Variants in LEPR observed in about 807,000 individuals in gnomAD.
The protein encoded by LEPR is OB receptor.
LEPR carries 56 observed loss-of-function variants against 114.7 expected under a neutral mutation model. The ratio of observed to expected loss-of-function variants is 0.49; its 90% CI spans 0.39 to 0.61. LEPR has a LOEUF of 0.61. Ranked by LOEUF, LEPR falls within the 20% of genes least tolerant of loss-of-function variation. The pLI is 0.00. For missense variants in LEPR, 1,202 were observed against 1,352.9 expected (o/e 0.89, Z 1.75); for synonymous variants, 443 against 461.4 (o/e 0.96, Z 0.51).
intron 2 of LEPR, among the ~76,000 whole-genome samples, chr1:65,535,753 C>T (rs190050925): frequency 4.4e-4 from 67 of 152,252 alleles, no homozygotes; most frequent in Admixed American, 9.8e-4. Flanking sequence ...TAATAGGATT[C>T]TAAACTTGCA....
intron 2 of LEPR, among the ~76,000 whole-genome samples, chr1:65,495,928 T>A (rs1370657062): frequency 6.6e-6 from 1 of 152,092 alleles, no homozygotes; most frequent in African/African-American, 2.4e-5. Context: ...TAGGGAGACA[T>A]TGGTTAACAA....
chr1:65,619,479 C>T (rs1657740990), intron 16 of LEPR, among the ~76,000 whole-genome samples: 1 of 152,018 alleles, frequency 6.6e-6, no homozygotes. Flanking sequence ...TAGGATTTCA[C>T]AAGACTTTAG....
intron 2 of LEPR, among the ~76,000 whole-genome samples, chr1:65,518,917 C>CTT (rs752472210): frequency 0.075 from 5,627 of 75,370 alleles, 141 homozygotes; most frequent in Non-Finnish European, 0.13. Context: ...TTCTTTCTTT[C>CTT]TCTCTTTCTC....
intron 6 of LEPR, among the ~76,000 whole-genome samples, chr1:65,595,709 A>G: frequency 6.6e-6 from 1 of 152,258 alleles, no homozygotes; most frequent in Non-Finnish European, 1.5e-5. Context: ...ATATATATGA[A>G]TAATTCCTGT....
intron 2 of LEPR, among the ~76,000 whole-genome samples, chr1:65,427,600 G>A (rs1389082900): frequency 2.0e-5 from 3 of 152,086 alleles, no homozygotes; most frequent in African/African-American, 7.2e-5. Flanking sequence ...GGCAGACATG[G>A]AAATGGAGCT....
At chr1:65,550,434 G>A (rs1158506316) in intron 2 of LEPR, among the ~76,000 whole-genome samples, 1 of 152,232 alleles carries the variant, frequency 6.6e-6, no homozygotes, top group Non-Finnish European at 1.5e-5. Context: ...GCCTACAGAG[G>A]CAGGCAGGCC....
intron 2 of LEPR, among the ~76,000 whole-genome samples, chr1:65,447,028 C>T (rs1308358128): frequency 5.9e-5 from 9 of 151,964 alleles, no homozygotes; most frequent in East Asian, 1.9e-4. Flanking sequence ...GACAGGATTT[C>T]GCCATGTTGC....
chr1:65,518,871 C>T (rs868823782), intron 2 of LEPR, among the ~76,000 whole-genome samples: 9 of 127,834 alleles, frequency 7.0e-5, no homozygotes, highest in South Asian at 2.7e-4. Flanking sequence ...TTCTTTCTTT[C>T]TTTTTCTTTC....
intron 19 of LEPR, among the ~76,000 whole-genome samples, chr1:65,631,173 TC>T (rs1459285065): frequency 1.3e-5 from 2 of 152,078 alleles, no homozygotes; most frequent in Non-Finnish European, 2.9e-5. Flanking sequence ...GCTGTCTTCC[TC>T]CCCAGACAGT....
intron 2 of LEPR, among the ~76,000 whole-genome samples, chr1:65,443,117 T>C (rs1338347478): frequency 6.6e-6 from 1 of 152,218 alleles, no homozygotes; most frequent in Non-Finnish European, 1.5e-5. Context: ...AAACAGATTA[T>C]TATTTGCATT....
intron 2 of LEPR, among the ~76,000 whole-genome samples, chr1:65,508,653 A>G (rs887191933): frequency 1.3e-5 from 2 of 152,092 alleles, no homozygotes; most frequent in African/African-American, 4.8e-5. Flanking sequence ...TTTCTGGTCA[A>G]GATTGCTTTG....
intron 2 of LEPR, chr1:65,431,673 A>T: frequency 2.3e-6 from 2 of 867,224 alleles, no homozygotes; most frequent in Non-Finnish European, 3.5e-6. Context: ...GTCTCCTGTT[A>T]CATTATTAAG....
chr1:65,603,601 G>A (rs1407145948), intron 10 of LEPR, among the ~76,000 whole-genome samples: 1 of 152,090 alleles, frequency 6.6e-6, no homozygotes, highest in African/African-American at 2.4e-5. Flanking sequence ...TCCAACCCAT[G>A]GCCTGGGGCC....
At chr1:65,520,154 C>A (rs1649557593) in intron 2 of LEPR, among the ~76,000 whole-genome samples, 1 of 152,094 alleles carries the variant, frequency 6.6e-6, no homozygotes. Context: ...TGAGCCACAG[C>A]ACCTGGCCAA....
chr1:65,635,937 G>C (rs530784420), intron 19 of LEPR, among the ~76,000 whole-genome samples: 27 of 152,284 alleles, frequency 1.8e-4, no homozygotes, highest in African/African-American at 5.8e-4. Flanking sequence ...AGAGAGGTTA[G>C]TGTACTTGTT....
At chr1:65,421,284 A>G (rs1162346267) in intron 1 of LEPR, 2 of 1,491,740 alleles carry the variant, frequency 1.3e-6, no homozygotes, top group Non-Finnish European at 8.9e-7. Context: ...ATTACGTGTA[A>G]TTTTAATACT....
intron 2 of LEPR, among the ~76,000 whole-genome samples, chr1:65,474,415 G>A (rs1240192071): frequency 6.6e-6 from 1 of 152,086 alleles, no homozygotes; most frequent in East Asian, 1.9e-4. Context: ...TGAATTTAAA[G>A]CAATTATAAA....
chr1:65,429,300 C>G (rs1312618615), intron 2 of LEPR, among the ~76,000 whole-genome samples: 3 of 152,152 alleles, frequency 2.0e-5, no homozygotes, highest in Non-Finnish European at 4.4e-5. Flanking sequence ...CCCAGGATAA[C>G]AGCTATGAGC....
intron 2 of LEPR, among the ~76,000 whole-genome samples, chr1:65,506,397 C>T (rs1411602567): frequency 6.6e-6 from 1 of 152,096 alleles, no homozygotes; most frequent in African/African-American, 2.4e-5. Flanking sequence ...CAAAAACACA[C>T]GTATTGCATT....
Sources: gnomAD v4.1 joint callset for allele counts (sites outside exome capture counted in the v4.1 genomes callset) on GRCh38, gnomAD v4.1.1 for gene constraint, MANE v1.5 for transcripts, NCBI Gene and HGNC (gene_info 2026-07-23, HGNC 2026-07-21) for gene names.